SGSH: variants seen among roughly 807,000 people sequenced by gnomAD.
SGSH encodes N-sulfoglucosamine sulfohydrolase.
Under a neutral mutation model 51.0 loss-of-function variants are expected in SGSH, and 48 were observed. The ratio of observed to expected loss-of-function variants is 0.94; its 90% CI spans 0.75 to 1.20. The LOEUF is 1.20. Among genes scored for constraint, SGSH ranks in the 50% most tolerant of loss-of-function variants. The pLI is 0.00. For synonymous variants in SGSH, 321 were observed against 313.4 expected, an observed-to-expected ratio of 1.02 and a Z score of -0.26; for missense variants, 662 against 717.8, an observed-to-expected ratio of 0.92 and a Z score of 0.89.
In SGSH at chr17:80,210,808, G is replaced by C. The variant is rs374599600; in HGVS notation, c.1153C>G (p.Arg385Gly). The change falls in exon 8 of 8, where the codon CGC becomes GGC. Residue 385 changes from arginine to glycine, a missense_variant. Coordinates refer to ENST00000326317, the MANE Select transcript of SGSH (RefSeq NM_000199.5). Reference protein sequence around the residue: ...PMRSVQHRHFRLVHNLNFKMP... With the variant: ...PMRSVQHRHFGLVHNLNFKMP... ...TTGAAGTTGAGGTTGTGCACGAGGC[G>C]GAAGTGCCGGTGCTGCACGGAGCGC... 1.6e-5 allele frequency: 26 copies of C among 1,613,946 alleles called. No individual in the cohort carries two copies. The highest frequency in any genetic ancestry group is 7.7e-5 in the South Asian group (7 of 91,084).
At chr17:80,205,743 G>A (rs1250555403), downstream of SGSH, 6 of 1,321,902 alleles carry the variant, frequency 4.5e-6, no homozygotes, top group East Asian at 2.6e-5. Flanking sequence ...TACAGGGACC[G>A]ACCTGAGACC....
chr17:80,207,420 G>C (rs1048154787), downstream of SGSH, among the ~76,000 whole-genome samples: 1 of 152,104 alleles, frequency 6.6e-6, no homozygotes, highest in African/African-American at 2.4e-5. Context: ...GTGTGGCGGC[G>C]GGCGCCTGTA....
At chr17:80,211,252 C>A in intron 7 of SGSH, 2 of 1,268,756 alleles carry the variant, frequency 1.6e-6, no homozygotes, top group Non-Finnish European at 2.1e-6. Flanking sequence ...ATCCCATGGA[C>A]TGGAAAAGAA....
At chr17:80,204,336 T>C, downstream of SGSH, 1 of 1,570,802 alleles carries the variant, frequency 6.4e-7, no homozygotes, top group Non-Finnish European at 8.7e-7. Flanking sequence ...CCCAGCAGGA[T>C]GGAGGGTGAG....
chr17:80,209,707 A>C lies in SGSH; in HGVS notation c.*745T>G. ...CCAGCAATGCCAGTGTCACCGAAGA[A>C]TTAACCCAAGCCAGAGGACGGGCAT... On this transcript the variant is annotated 3_prime_UTR_variant, in exon 8 of 8. Transcript: ENST00000326317. 1 of 985,582 alleles carries C rather than the reference A, an allele frequency of 1.0e-6. No homozygotes were observed. The highest frequency in any genetic ancestry group is 1.7e-5 in the African/African-American group (1 of 57,374). The allele number at this position is 985,582 out of a possible 1,614,324, so 61.1% of individuals were successfully genotyped here. A position where few individuals can be genotyped will look rare whatever the true frequency, so the allele number is the denominator to read the frequency against.
chr17:80,219,827 T>C (rs917514447), intron 1 of SGSH: 1 of 184,138 alleles, frequency 5.4e-6, no homozygotes, highest in Admixed American at 6.2e-5. Flanking sequence ...ACACAGGCTC[T>C]GGGGTCGGAA....
chr17:80,217,089 GA>G lies in SGSH; in HGVS notation c.191del (p.Phe64SerfsTer200). 6.2e-7 allele frequency: 1 copy of G among 1,602,860 alleles called. No homozygotes were observed. The highest frequency in any genetic ancestry group is 1.1e-5 in the South Asian group (1 of 89,164). On this transcript the variant is annotated frameshift_variant, in exon 2 of 8. Coordinates refer to ENST00000326317, the MANE Select transcript of SGSH (RefSeq NM_000199.5). LOFTEE classifies it high-confidence loss of function. The stretch of plus-strand genomic sequence containing the variant: ...TGGGAGAGCAGCTGCTGACCGAGGT[GA>G]AGGCATTGCGAAAGAGGAGGCTGCG... The part of the protein sequence containing the change: ...ARRSLLFRNA[F>X]TSVSSCSPSR...
downstream of SGSH, among the ~76,000 whole-genome samples, chr17:80,206,560 G>T (rs896144507): frequency 3.3e-5 from 5 of 152,234 alleles, no homozygotes; most frequent in African/African-American, 4.8e-5. Flanking sequence ...GAGGTCAGGA[G>T]ATCAAGACCA....
At chr17:80,204,317 C>A (rs1318845864), downstream of SGSH, 1 of 1,587,404 alleles carries the variant, frequency 6.3e-7, no homozygotes, top group Non-Finnish European at 8.6e-7. Flanking sequence ...TGACAGGGGC[C>A]AGTTGGACCC....
downstream of SGSH, chr17:80,206,962 C>T (rs756059561): frequency 1.9e-6 from 3 of 1,602,916 alleles, no homozygotes; most frequent in East Asian, 2.3e-5. Context: ...TCTCTCCCTC[C>T]CACAAAGAAC....
rs2041917986 is a variant in SGSH at position 80,217,054 on chromosome 17, C to G, written c.227G>C (p.Ser76Thr). 1 of 1,587,876 alleles carries G rather than the reference C, an allele frequency of 6.3e-7. No individual in the cohort carries two copies. ...SVSSCSPSRASLLTGLPQHQN... is the reference protein window; with the variant it reads ...SVSSCSPSRATLLTGLPQHQN... ...CACCTGGGGCAGGCCAGTGAGGAGG[C>G]TGGCGCGGCTGGGAGAGCAGCTGCT... The change falls in exon 2 of 8, where the codon AGC becomes ACC. Residue 76 changes from serine (S) to threonine (T), a missense_variant. Coordinates refer to ENST00000326317, the MANE Select transcript of SGSH (RefSeq NM_000199.5).
rs1314742501 is a variant in SGSH, at chr17:80,212,248, G to A, written c.772C>T (p.Arg258Cys). 33 of 1,611,198 alleles carry A rather than the reference G, an allele frequency of 2.0e-5. No homozygotes were observed. The highest frequency in any genetic ancestry group is 3.3e-5 in the South Asian group (3 of 90,760). ...GTGTCGTTCAGGACACCGGCGTCAC[G>A]CAGCTCCTGGAGCACCAGTCCAACT... Reference protein sequence around the residue: ...QGVGLVLQELRDAGVLNDTLV... With the variant: ...QGVGLVLQELCDAGVLNDTLV... Residue 258 changes from arginine (R) to cysteine (C), a missense_variant, in exon 7 of 8, where the codon CGT becomes TGT. Transcript: ENST00000326317. The surrounding 1 kb of genome is among the most constrained non-coding windows in gnomAD (Gnocchi z 5.9).
the SGSH span, chr17:80,200,757 G>A: frequency 6.3e-6 from 1 of 158,128 alleles, no homozygotes; most frequent in African/African-American, 2.4e-5. Context: ...CAGAATCAGT[G>A]GGAGCCCTGA....
At chr17:80,220,146 GACCACGGGT>G in intron 1 of SGSH, 71 bp downstream of exon 1, 1 of 1,065,386 alleles carries the variant, frequency 9.4e-7, no homozygotes, top group Non-Finnish European at 1.3e-6. Context: ...GGTCAGCATT[GACCACGGGT>G]GGGGAGGAGG....
rs2144831735 is a variant in SGSH at position 80,220,221 on chromosome 17, C to G, written c.88+5G>C. ...TGGGCGTGGGGGGGCGGCGCCGGCA[C>G]TCACCGAGGAGCAGCAGTGCGTTCC... On this transcript the variant is annotated splice_donor_5th_base_variant and intron_variant, in intron 1 of 7. Transcript: ENST00000326317. The G allele has an allele frequency of 6.6e-7, 1 of 1,516,856 alleles. No individual in the cohort carries two copies. Among genetic ancestry groups the G allele is most frequent in the Non-Finnish European group, 8.8e-7 (1 of 1,138,276 alleles). 94.0% of individuals were successfully genotyped at this position (1,516,856 alleles called of 1,614,324 possible).
At chr17:80,201,618 C>T in the SGSH span, 30 of 934,014 alleles carry the variant, frequency 3.2e-5, no homozygotes, top group African/African-American at 2.6e-4. The surrounding 1 kb of genome is among the most constrained non-coding windows in gnomAD (Gnocchi z 5.0). Context: ...TTGACCAAGG[C>T]GTGCAGGCAG....
Position 80,213,837 on chromosome 17 carries a change from C to CTGG in SGSH, c.711_712insCCA (p.Ala237_Ala238insPro), listed in dbSNP as rs1567920952. On this transcript the variant is annotated inframe_insertion, in exon 6 of 8. Coordinates refer to ENST00000326317, the MANE Select transcript of SGSH (RefSeq NM_000199.5). This position sits in a 1 kb window ranked among gnomAD's most constrained non-coding sequence, Gnocchi z 4.6. ...ATGCGGCCGACGGTGGTGTACTGAGCGGCCAGGTCGGCTCGGGCTGCCGGG... is the reference window on the plus strand; with the variant it reads ...ATGCGGCCGACGGTGGTGTACTGAGCTGGGGCCAGGTCGGCTCGGGCTGCCGGG... The CTGG allele has an allele frequency of 6.2e-7, 1 of 1,608,126 alleles. No individual in the cohort carries two copies. Among genetic ancestry groups the CTGG allele is most frequent in the Non-Finnish European group, 8.5e-7 (1 of 1,179,120 alleles).
rs1394179101 is a variant in SGSH at position 80,211,217 on chromosome 17, C to T, written c.950-206G>A. 6.4e-6 allele frequency: 9 copies of T among 1,412,282 alleles called. No individual in the cohort carries two copies. In the East Asian group the frequency reaches 1.0e-4, roughly 16 times the overall value. 87.5% of individuals were successfully genotyped at this position (1,412,282 alleles called of 1,614,324 possible). A position where few individuals can be genotyped will look rare whatever the true frequency, so the allele number is the denominator to read the frequency against. On this transcript the variant is annotated intron_variant, in intron 7 of 7. Coordinates refer to ENST00000326317, the MANE Select transcript of SGSH (RefSeq NM_000199.5). ...AATGGTATAACAAGAGGCCCTGATT[C>T]GGTGACATTTAGGATCCTTCTAAAA...
Position 80,209,832 on chromosome 17 carries a change from GC to G in SGSH, c.*619del. The G allele has an allele frequency of 2.0e-6, 2 of 988,188 alleles. No individual in the cohort carries two copies. The highest frequency in any genetic ancestry group is 2.4e-6 in the Non-Finnish European group (2 of 831,726). The allele number at this position is 988,188 out of a possible 1,614,324, so 61.2% of individuals were successfully genotyped here. On this transcript the variant is annotated 3_prime_UTR_variant, in exon 8 of 8. Transcript: ENST00000326317. ...CACTCAGGGAGCCTGCTGCCAATCA[GC>G]TGAAACCTGCCTGGGGAACAGGGAC... is the stretch of plus-strand genomic sequence containing the variant.
Sources: allele counts gnomAD v4.1 joint callset (sites outside exome capture counted in the v4.1 genomes callset), GRCh38; gene constraint gnomAD v4.1.1; non-coding constraint Gnocchi (gnomAD v3.1); transcripts MANE v1.5; gene names NCBI Gene and HGNC (gene_info 2026-07-23, HGNC 2026-07-21).